CLCN3: variants seen among roughly 807,000 people sequenced by gnomAD.
The protein encoded by CLCN3 is H(+)/Cl(-) exchange transporter 3.
Under a neutral mutation model 83.4 loss-of-function variants are expected in CLCN3, and 16 were observed. That is an observed-to-expected ratio of 0.19 (90% CI 0.13 to 0.29). The LOEUF is 0.29. CLCN3 is among the 10% of genes least tolerant of loss of function. CLCN3 has a pLI of 1.00. For synonymous variants in CLCN3, 322 were observed against 346.2 expected (o/e 0.93, Z 0.78); for missense variants, 544 against 1,006.0 (o/e 0.54, Z 6.21).
intron 3 of CLCN3, chr4:169,680,774 T>C (rs1301048363): frequency 6.6e-6 from 1 of 152,286 alleles, no homozygotes; most frequent in East Asian, 1.9e-4. Context: ...CATATAAAAG[T>C]ACAACTTATG....
chr4:169,657,634 C>T (rs1273818874), intron 2 of CLCN3, among the ~76,000 whole-genome samples: 2 of 152,092 alleles, frequency 1.3e-5, no homozygotes, highest in East Asian at 3.8e-4. Flanking sequence ...ACAGAGACAT[C>T]CCAGAGAGGT....
intron 2 of CLCN3, among the ~76,000 whole-genome samples, chr4:169,641,841 T>C (rs765698364): frequency 2.0e-5 from 3 of 152,180 alleles, no homozygotes; most frequent in Non-Finnish European, 4.4e-5. Context: ...AAGAGGCGGA[T>C]TCATATTAAC....
At chr4:169,670,583 G>T (rs531646187) in intron 2 of CLCN3, among the ~76,000 whole-genome samples, 21 of 152,168 alleles carry the variant, frequency 1.4e-4, no homozygotes, top group Non-Finnish European at 2.5e-4. Flanking sequence ...GCTTAGGATT[G>T]TCTTGGCCAT....
At chr4:169,658,496 G>T (rs1028188945) in intron 2 of CLCN3, among the ~76,000 whole-genome samples, 2 of 151,636 alleles carry the variant, frequency 1.3e-5, no homozygotes, top group Non-Finnish European at 2.9e-5. Context: ...GAACATGAAT[G>T]GTATAAAAAC....
intron 2 of CLCN3, among the ~76,000 whole-genome samples, chr4:169,665,198 A>G (rs1017009401): frequency 3.9e-5 from 6 of 152,196 alleles, no homozygotes; most frequent in African/African-American, 1.2e-4. Flanking sequence ...CCACCTTATC[A>G]TCTCTAACTA....
At chr4:169,671,252 G>T in intron 2 of CLCN3, among the ~76,000 whole-genome samples, 1 of 152,300 alleles carries the variant, frequency 6.6e-6, no homozygotes, top group East Asian at 1.9e-4. Context: ...ATATACCATG[G>T]AATACTATGC....
chr4:169,705,829 G>A (rs772392421), intron 10 of CLCN3, among the ~76,000 whole-genome samples: 14 of 152,080 alleles, frequency 9.2e-5, no homozygotes, highest in Non-Finnish European at 1.9e-4. Context: ...TTATACAGTG[G>A]TAATGGGGCC....
At chr4:169,685,806 T>C (rs1490541195) in intron 3 of CLCN3, among the ~76,000 whole-genome samples, 1 of 152,208 alleles carries the variant, frequency 6.6e-6, no homozygotes, top group Non-Finnish European at 1.5e-5. Context: ...ACATTATTTT[T>C]ATTGAGGAAA....
chr4:169,703,595 T>C (rs938472302), intron 9 of CLCN3, among the ~76,000 whole-genome samples: 2 of 152,112 alleles, frequency 1.3e-5, no homozygotes, highest in African/African-American at 4.8e-5. Context: ...ATGAATTCTA[T>C]AATGGTGAAG....
chr4:169,641,257 C>T (rs905690999), intron 2 of CLCN3, among the ~76,000 whole-genome samples: 1 of 152,120 alleles, frequency 6.6e-6, no homozygotes, highest in Non-Finnish European at 1.5e-5. Flanking sequence ...CAGTGAAACC[C>T]AGTCTCTAAA....
chr4:169,721,091 A>G lies in CLCN3; in HGVS notation c.*1094A>G, dbSNP rs1440918105. On this transcript the variant is annotated 3_prime_UTR_variant, in exon 13 of 13. Transcript: ENST00000513761. Reference sequence around the variant, plus strand: ...GATCAGTCATTCTTTTCTTTTCTCAAGATATCTCATGGCTGACACTGAAGA... The same window carrying G: ...GATCAGTCATTCTTTTCTTTTCTCAGGATATCTCATGGCTGACACTGAAGA... 5 of 152,276 alleles carry G rather than the reference A, an allele frequency of 3.3e-5. No individual in the cohort carries two copies. The highest frequency in any genetic ancestry group is 2.1e-4 in the South Asian group (1 of 4,834). The allele number at this position is 152,276 out of a possible 1,614,324, so 9.4% of individuals were successfully genotyped here.
At chr4:169,677,278 CAG>C (rs1731717734) in intron 2 of CLCN3, among the ~76,000 whole-genome samples, 2 of 152,146 alleles carry the variant, frequency 1.3e-5, no homozygotes, top group African/African-American at 4.8e-5. Context: ...GTCTGCTGTA[CAG>C]ACTTTAGATC....
intron 12 of CLCN3, among the ~76,000 whole-genome samples, chr4:169,716,985 C>T (rs1423928439): frequency 6.6e-6 from 1 of 152,000 alleles, no homozygotes; most frequent in Non-Finnish European, 1.5e-5. Context: ...GTTTATATTG[C>T]CACATTAATT....
At chr4:169,661,061 T>A (rs1288483965) in intron 2 of CLCN3, among the ~76,000 whole-genome samples, 2 of 151,504 alleles carry the variant, frequency 1.3e-5, no homozygotes, top group Non-Finnish European at 2.9e-5. Flanking sequence ...AAAACACATT[T>A]GACTAAATGT....
chr4:169,633,411 A>G (rs535634865), intron 1 of CLCN3, among the ~76,000 whole-genome samples: 100 of 152,354 alleles, frequency 6.6e-4, no homozygotes, highest in Middle Eastern at 3.4e-3. Flanking sequence ...GGTGATTAAA[A>G]TGGAAAAGGT....
At chr4:169,657,311 T>C (rs1386048075) in intron 2 of CLCN3, among the ~76,000 whole-genome samples, 1 of 152,134 alleles carries the variant, frequency 6.6e-6, no homozygotes, top group Non-Finnish European at 1.5e-5. Flanking sequence ...AAAAAAATTC[T>C]GTAGGTTTCC....
At chr4:169,636,190 T>C in intron 2 of CLCN3, 102 bp downstream of exon 2, 2 of 1,059,720 alleles carry the variant, frequency 1.9e-6, no homozygotes, top group South Asian at 3.3e-5. Context: ...CTTTAAAAAT[T>C]TGAGATCAAA....
At chr4:169,709,726 TG>T (rs1453304496) in intron 11 of CLCN3, among the ~76,000 whole-genome samples, 1 of 152,150 alleles carries the variant, frequency 6.6e-6, no homozygotes, top group Non-Finnish European at 1.5e-5. Flanking sequence ...ACTGTAATGT[TG>T]TTCTCTGTTT....
rs1217732848 is a variant in CLCN3 at position 169,620,762 on chromosome 4, A to G, written c.-318A>G. 6 of 398,442 alleles carry G rather than the reference A, an allele frequency of 1.5e-5. No homozygotes were observed. The highest frequency in any genetic ancestry group is 2.2e-5 in the Non-Finnish European group (5 of 226,078). 24.7% of individuals were successfully genotyped at this position (398,442 alleles called of 1,614,324 possible). On this transcript the variant is annotated 5_prime_UTR_variant, in exon 1 of 13. Coordinates refer to ENST00000513761, the MANE Select transcript of CLCN3 (RefSeq NM_001829.4). ...AGTCTTAAGGGGGAAGTGAGATTGGAGATTTTTATTTTTAATTTTGGGCAG... is the reference window on the plus strand; with the variant it reads ...AGTCTTAAGGGGGAAGTGAGATTGGGGATTTTTATTTTTAATTTTGGGCAG...
Sources: allele counts gnomAD v4.1 joint callset (sites outside exome capture counted in the v4.1 genomes callset), GRCh38; gene constraint gnomAD v4.1.1; transcripts MANE v1.5; gene names NCBI Gene and HGNC (gene_info 2026-07-23, HGNC 2026-07-21).